The following C14orf132 variants were observed in gnomAD, a reference collection of about 807,000 sequenced individuals.
The protein encoded by C14orf132 is chromosome 14 open reading frame 132, also known as uncharacterized protein C14orf132.
In C14orf132, 6 loss-of-function variants were observed where a neutral mutation model predicts 5.8. The ratio of observed to expected loss-of-function variants is 1.03; its 90% CI spans 0.57 to 2.04. C14orf132 has a LOEUF of 2.04. Ranked by LOEUF, C14orf132 falls within the 30% of genes most tolerant of loss-of-function variation. C14orf132 has a pLI of 0.00. For missense variants in C14orf132, 125 were observed against 115.8 expected, an observed-to-expected ratio of 1.08 and a Z score of -0.37; for synonymous variants, 51 against 49.8, an observed-to-expected ratio of 1.02 and a Z score of -0.10.
chr14:96,055,383 G>C (rs937759659), intron 1 of C14orf132, among the ~76,000 whole-genome samples: 2 of 152,112 alleles, frequency 1.3e-5, no homozygotes, highest in African/African-American at 4.8e-5. Flanking sequence ...TGCCCCAGAG[G>C]GGACACTGTC....
In C14orf132 at chr14:96,093,097, A is replaced by G. The variant is rs1178945459; in HGVS notation, c.*6362A>G. The G allele has an allele frequency of 1.3e-5, 2 of 152,270 alleles. No homozygotes were observed. Among genetic ancestry groups the G allele is most frequent in the Non-Finnish European group, 2.9e-5 (2 of 68,056 alleles). 9.4% of individuals were successfully genotyped at this position (152,270 alleles called of 1,614,324 possible). ...GTAAATTAAAGCTCTTCTGAGCAGC[A>G]GCAGTGATCATGGTCACTGCCCTGC... On this transcript the variant is annotated 3_prime_UTR_variant, in exon 2 of 2. Coordinates refer to ENST00000555004, the MANE Select transcript of C14orf132 (RefSeq NM_001252507.3).
In C14orf132 at chr14:96,088,234, T is replaced by G. The variant is rs1342779961; in HGVS notation, c.*1499T>G. On this transcript the variant is annotated 3_prime_UTR_variant, in exon 2 of 2. Transcript: ENST00000555004. Reference sequence around the variant, plus strand: ...TCTTGATGACAGGCAAAGGGACATCTTAGTTGTCCAGAAGCGGCACTCTTC... The same window carrying G: ...TCTTGATGACAGGCAAAGGGACATCGTAGTTGTCCAGAAGCGGCACTCTTC... 1 of 152,136 alleles carries G rather than the reference T, an allele frequency of 6.6e-6. No homozygotes were observed. Among genetic ancestry groups the G allele is most frequent in the Non-Finnish European group, 1.5e-5 (1 of 68,020 alleles). The allele number at this position is 152,136 out of a possible 1,614,324, so 9.4% of individuals were successfully genotyped here. A position where few individuals can be genotyped will look rare whatever the true frequency, so the allele number is the denominator to read the frequency against.
rs908964042 is a variant in C14orf132, at chr14:96,093,010, A to G, written c.*6275A>G. Reference sequence around the variant, plus strand: ...GAGGTCAGGGGACCCTGTGCTGGCCATCCTATCTCTGATTCTGAAACTATG... The same window carrying G: ...GAGGTCAGGGGACCCTGTGCTGGCCGTCCTATCTCTGATTCTGAAACTATG... On this transcript the variant is annotated 3_prime_UTR_variant, in exon 2 of 2. Coordinates refer to ENST00000555004, the MANE Select transcript of C14orf132 (RefSeq NM_001252507.3). 2 of 152,252 alleles carry G rather than the reference A, an allele frequency of 1.3e-5. No individual in the cohort carries two copies. Among genetic ancestry groups the G allele is most frequent in the Non-Finnish European group, 2.9e-5 (2 of 68,074 alleles). The allele number at this position is 152,252 out of a possible 1,614,324, so 9.4% of individuals were successfully genotyped here.
At position 96,090,390 on chromosome 14, in the gene C14orf132, C is replaced by CAAAAAAA. The variant is rs35138535; in HGVS notation, c.*3664_*3670dup. ...TGGGCAACAGAACGAGACTCTGTCT[C>CAAAAAAA]AAAAAAAAAAAAAAAGAAAAGAAAA... is the stretch of plus-strand genomic sequence containing the variant. On this transcript the variant is annotated 3_prime_UTR_variant, in exon 2 of 2. Transcript: ENST00000555004. 5.4e-6 allele frequency: 1 copy of CAAAAAAA among 185,468 alleles called. No individual in the cohort carries two copies. Among genetic ancestry groups the CAAAAAAA allele is most frequent in the Non-Finnish European group, 9.6e-6 (1 of 104,480 alleles). The allele number at this position is 185,468 out of a possible 1,614,324, so 11.5% of individuals were successfully genotyped here.
Position 96,039,490 on chromosome 14 carries a change from GC to G in C14orf132, c.-10del. ...AGCAGCGAGGACTCGAGCGCTGGCT[GC>G]AGCGACACCATGGATCTCTCCTTTA... On this transcript the variant is annotated 5_prime_UTR_variant, in exon 1 of 2. Coordinates refer to ENST00000555004, the MANE Select transcript of C14orf132 (RefSeq NM_001252507.3). The surrounding 1 kb of genome is among the most constrained non-coding windows in gnomAD (Gnocchi z 5.3). 1 of 1,498,650 alleles carries G rather than the reference GC, an allele frequency of 6.7e-7. No homozygotes were observed. Among genetic ancestry groups the G allele is most frequent in the Non-Finnish European group, 8.9e-7 (1 of 1,127,022 alleles). The allele number at this position is 1,498,650 out of a possible 1,614,324, so 92.8% of individuals were successfully genotyped here. A position where few individuals can be genotyped will look rare whatever the true frequency, so the allele number is the denominator to read the frequency against.
At chr14:96,062,302 T>C (rs573114397) in intron 1 of C14orf132, among the ~76,000 whole-genome samples, 249 of 152,274 alleles carry the variant, frequency 1.6e-3, no homozygotes, top group Admixed American at 4.3e-3. Flanking sequence ...TGTGTGGCTA[T>C]GCTACCAGAG....
At chr14:96,076,799 C>T (rs1887881534) in intron 1 of C14orf132, among the ~76,000 whole-genome samples, 1 of 152,200 alleles carries the variant, frequency 6.6e-6, no homozygotes. Context: ...AAATTTTTCT[C>T]TAAGCACTGC....
intron 1 of C14orf132, among the ~76,000 whole-genome samples, chr14:96,052,779 G>C (rs1388704640): frequency 2.6e-5 from 4 of 151,642 alleles, no homozygotes; most frequent in Admixed American, 2.6e-4. Flanking sequence ...GCTGCATGCT[G>C]GGCCCAGCAG....
chr14:96,044,480 G>A (rs1480448571), intron 1 of C14orf132, among the ~76,000 whole-genome samples: 1 of 152,234 alleles, frequency 6.6e-6, no homozygotes, highest in African/African-American at 2.4e-5. Flanking sequence ...GTACCCAGCT[G>A]TGTACATTTT....
chr14:96,090,857 T>C lies in C14orf132; in HGVS notation c.*4122T>C, dbSNP rs1173288555. On this transcript the variant is annotated 3_prime_UTR_variant, in exon 2 of 2. Transcript: ENST00000555004. ...GAGGCTCAGTGGAGTCTGTCTGTTGTCAGCACTGCTGCCTGATCCCTGCAA... is the reference window on the plus strand; with the variant it reads ...GAGGCTCAGTGGAGTCTGTCTGTTGCCAGCACTGCTGCCTGATCCCTGCAA... 4.4e-6 allele frequency: 2 copies of C among 456,010 alleles called. No homozygotes were observed. The highest frequency in any genetic ancestry group is 4.7e-5 in the Admixed American group (2 of 42,564). The allele number at this position is 456,010 out of a possible 1,614,324, so 28.2% of individuals were successfully genotyped here.
chr14:96,048,615 C>A (rs947839834), intron 1 of C14orf132, among the ~76,000 whole-genome samples: 14 of 152,018 alleles, frequency 9.2e-5, no homozygotes, highest in African/African-American at 3.1e-4. Flanking sequence ...ATCTCTGCCC[C>A]CCCGGGTTCA....
rs183717750 is a variant in C14orf132, at chr14:96,067,478, T to A, written c.28-19033T>A. On this transcript the variant is annotated intron_variant, in intron 1 of 1. Coordinates refer to ENST00000555004, the MANE Select transcript of C14orf132 (RefSeq NM_001252507.3). ...ACTCTGGGAGGCCAAGGGGAGCAGA[T>A]CACCTCAGGTCGGGAGTTTGAGACC... Among the ~76,000 whole-genome samples the A allele has an allele frequency of 0.019, 2,619 of 141,022 alleles. 266 individuals carry two copies. In the East Asian group the frequency reaches 0.3, roughly 16 times the overall value. 92.5% of individuals were successfully genotyped at this position (141,022 alleles called of 152,430 possible). A position where few individuals can be genotyped will look rare whatever the true frequency, so the allele number is the denominator to read the frequency against.
chr14:96,074,937 G>A lies in C14orf132; in HGVS notation c.28-11574G>A, dbSNP rs147618608. Among the ~76,000 whole-genome samples the A allele has an allele frequency of 1.7e-3, 261 of 151,806 alleles. 3 individuals are homozygous for A. Among genetic ancestry groups the A allele is most frequent in the African/African-American group, 6.0e-3 (247 of 41,382 alleles). ...TGCAAATAAATGTTTGAATCAGCTT[G>A]TTGGCATTGACAAACATTCCTGCTG... On this transcript the variant is annotated intron_variant, in intron 1 of 1. Transcript: ENST00000555004.
At chr14:96,082,024 A>T (rs1888046125) in intron 1 of C14orf132, among the ~76,000 whole-genome samples, 1 of 152,146 alleles carries the variant, frequency 6.6e-6, no homozygotes, top group African/African-American at 2.4e-5. Flanking sequence ...CCAGTGTCTA[A>T]CTCAGCAAGA....
At chr14:96,047,682 G>C (rs539125299) in intron 1 of C14orf132, among the ~76,000 whole-genome samples, 1 of 152,266 alleles carries the variant, frequency 6.6e-6, no homozygotes, top group East Asian at 1.9e-4. Flanking sequence ...CACAGCTGGG[G>C]ATCAAACACA....
chr14:96,049,591 C>CATATATACATATATATGTAT lies in C14orf132; in HGVS notation c.27+10072_27+10073insATATATATGTATATATATAC, dbSNP rs1886954520. ...ATATACATATATACGTATATATATA[C>CATATATACATATATATGTAT]ATATATACGTATATATATACATATA... On this transcript the variant is annotated intron_variant, in intron 1 of 1. Coordinates refer to ENST00000555004, the MANE Select transcript of C14orf132 (RefSeq NM_001252507.3). Among the ~76,000 whole-genome samples, 6 of 120,030 alleles carry CATATATACATATATATGTAT rather than the reference C, an allele frequency of 5.0e-5. 1 individual carries two copies. The Admixed American group carries it at 5.3e-4, about 11-fold the overall frequency. 78.7% of individuals were successfully genotyped at this position (120,030 alleles called of 152,430 possible).
At chr14:96,074,422 T>C (rs1306551941) in intron 1 of C14orf132, among the ~76,000 whole-genome samples, 1 of 152,188 alleles carries the variant, frequency 6.6e-6, no homozygotes, top group Non-Finnish European at 1.5e-5. Flanking sequence ...TGATGTTGGA[T>C]CTAATAACTC....
rs1342240351 is a variant in C14orf132, at chr14:96,086,771, T to G, written c.*36T>G. Reference sequence around the variant, plus strand: ...CCCTGCACCACCATGGGGTGAGGCTTGGCACGTAGCTCTGACTTGCTGTCG... The same window carrying G: ...CCCTGCACCACCATGGGGTGAGGCTGGGCACGTAGCTCTGACTTGCTGTCG... On this transcript the variant is annotated 3_prime_UTR_variant, in exon 2 of 2. Coordinates refer to ENST00000555004, the MANE Select transcript of C14orf132 (RefSeq NM_001252507.3). The G allele has an allele frequency of 3.3e-6, 5 of 1,523,638 alleles. No individual in the cohort carries two copies. In the Admixed American group the frequency reaches 5.9e-5, roughly 18 times the overall value. 94.4% of individuals were successfully genotyped at this position (1,523,638 alleles called of 1,614,324 possible). A position where few individuals can be genotyped will look rare whatever the true frequency, so the allele number is the denominator to read the frequency against.
chr14:96,044,476 A>G (rs112940540), intron 1 of C14orf132, among the ~76,000 whole-genome samples: 2 of 152,236 alleles, frequency 1.3e-5, no homozygotes, highest in Non-Finnish European at 2.9e-5. Context: ...CATTGTACCC[A>G]GCTGTGTACA....
Sources: gnomAD v4.1 joint callset for allele counts (sites outside exome capture counted in the v4.1 genomes callset) on GRCh38, gnomAD v4.1.1 for gene constraint, Gnocchi (gnomAD v3.1) non-coding constraint, MANE v1.5 for transcripts, NCBI Gene and HGNC (gene_info 2026-07-23, HGNC 2026-07-21) for gene names.